The following FXR2 variants were observed in gnomAD, a reference collection of about 807,000 sequenced individuals.
FXR2 encodes the protein RNA-binding protein FXR2.
FXR2 carries 9 observed loss-of-function variants against 87.3 expected under a neutral mutation model. The observed-to-expected ratio is 0.10, with a 90% CI of 0.06 to 0.18. FXR2 has a LOEUF of 0.18. Among genes scored for constraint, FXR2 ranks in the 10% least tolerant of loss-of-function variants. FXR2 has a pLI of 1.00. For synonymous variants in FXR2, 331 were observed against 328.3 expected (o/e 1.01, Z -0.09); for missense variants, 661 against 893.6 (o/e 0.74, Z 3.32).
rs1567747624 is a variant in FXR2, at chr17:7,592,782, G to A, written c.1641C>T (p.Arg547=). 5.6e-6 allele frequency: 9 copies of A among 1,613,538 alleles called. No homozygotes were observed. Among genetic ancestry groups the A allele is most frequent in the Non-Finnish European group, 7.6e-6 (9 of 1,179,778 alleles). ...EPPPASARRR[R]SRRRRTDEDR... is the part of the protein sequence containing the mutation. Reference sequence around the variant, plus strand: ...CTTCATCAGTGCGGCGGCGGCGGGAGCGGCGGCGCCTGGCACTTGCTGGGG... The same window carrying A: ...CTTCATCAGTGCGGCGGCGGCGGGAACGGCGGCGCCTGGCACTTGCTGGGG... Residue 547 remains arginine (R), a synonymous_variant, in exon 14 of 17, where the codon CGC becomes CGT. Transcript: ENST00000250113. The surrounding 1 kb of genome is among the most constrained non-coding windows in gnomAD (Gnocchi z 4.8).
In FXR2 at chr17:7,606,604, G is replaced by A. The variant is rs1032663653; in HGVS notation, c.82-455C>T. Among the ~76,000 whole-genome samples, 37 of 152,210 alleles carry A rather than the reference G, an allele frequency of 2.4e-4. 2 individuals are homozygous for A. Among genetic ancestry groups the A allele is most frequent in the Non-Finnish European group, 1.5e-5 (1 of 68,038 alleles). ...CTCCGCAATACAGCAAGAGATCTGAGCAGACTCGCTGCCCTGATGCATGGG... is the reference window on the plus strand; with the variant it reads ...CTCCGCAATACAGCAAGAGATCTGAACAGACTCGCTGCCCTGATGCATGGG... On this transcript the variant is annotated intron_variant, in intron 1 of 16. Transcript: ENST00000250113.
intron 6 of FXR2, among the ~76,000 whole-genome samples, chr17:7,602,124 T>TA (rs1053955314): frequency 1.5e-4 from 23 of 149,124 alleles, no homozygotes; most frequent in East Asian, 4.1e-4. Flanking sequence ...TTATCAGGTT[T>TA]AAAAAAAAAG....
chr17:7,601,511 G>T lies in FXR2; in HGVS notation c.558C>A (p.Ala186=), dbSNP rs765633029. The stretch of plus-strand genomic sequence containing the variant: ...CCAGCAGAGATGCTCGCTTCACAGG[G>T]GCTTCTGTGGTTGACTGGGAGGAAA... ...SELFILSTTE[A]PVKRASLLGD... The change falls in exon 7 of 17, where the codon GCC becomes GCA. Residue 186 remains alanine, a synonymous_variant. Transcript: ENST00000250113. The T allele has an allele frequency of 1.9e-6, 3 of 1,608,188 alleles. No homozygotes were observed. In the Admixed American group the frequency reaches 5.0e-5, roughly 27 times the overall value.
At chr17:7,601,883 C>A (rs1041081213) in intron 6 of FXR2, among the ~76,000 whole-genome samples, 1 of 151,646 alleles carries the variant, frequency 6.6e-6, no homozygotes, top group Non-Finnish European at 1.5e-5. Flanking sequence ...GCCGAGACTG[C>A]GCCACTGCAC....
chr17:7,594,617 C>G lies in FXR2; in HGVS notation c.910+62G>C, dbSNP rs188720630. 27 of 1,079,740 alleles carry G rather than the reference C, an allele frequency of 2.5e-5. No individual in the cohort carries two copies. The East Asian group carries it at 5.9e-4, about 24-fold the overall frequency. The allele number at this position is 1,079,740 out of a possible 1,614,324, so 66.9% of individuals were successfully genotyped here. A position where few individuals can be genotyped will look rare whatever the true frequency, so the allele number is the denominator to read the frequency against. On this transcript the variant is annotated intron_variant, in intron 9 of 16. Transcript: ENST00000250113. The surrounding 1 kb of genome is among the most constrained non-coding windows in gnomAD (Gnocchi z 5.1). ...GAGGTGCCAATCCTGGATAAAAGCT[C>G]AGAATCACTGTAGAGAATCTTGATT...
Position 7,614,580 on chromosome 17 carries a change from T to C in FXR2, c.-48A>G. On this transcript the variant is annotated 5_prime_UTR_variant, in exon 1 of 17. Transcript: ENST00000250113. Reference sequence around the variant, plus strand: ...CCCCCGGCGGCGGCTGCAGCAGCAGTCTGAGTGCGGGCCGGGCCAGGCCCC... The same window carrying C: ...CCCCCGGCGGCGGCTGCAGCAGCAGCCTGAGTGCGGGCCGGGCCAGGCCCC... 7.9e-7 allele frequency: 1 copy of C among 1,267,588 alleles called. No individual in the cohort carries two copies. The highest frequency in any genetic ancestry group is 1.0e-6 in the Non-Finnish European group (1 of 964,104). 78.5% of individuals were successfully genotyped at this position (1,267,588 alleles called of 1,614,324 possible). A position where few individuals can be genotyped will look rare whatever the true frequency, so the allele number is the denominator to read the frequency against.
chr17:7,594,819 A>C lies in FXR2; in HGVS notation c.832-62T>G. 1.1e-4 allele frequency: 106 copies of C among 1,008,114 alleles called. No individual in the cohort carries two copies. The highest frequency in any genetic ancestry group is 1.6e-4 in the Non-Finnish European group (102 of 628,472). 62.4% of individuals were successfully genotyped at this position (1,008,114 alleles called of 1,614,324 possible). A position where few individuals can be genotyped will look rare whatever the true frequency, so the allele number is the denominator to read the frequency against. On this transcript the variant is annotated intron_variant, in intron 8 of 16. Transcript: ENST00000250113. The surrounding 1 kb of genome is among the most constrained non-coding windows in gnomAD (Gnocchi z 5.1). The stretch of plus-strand genomic sequence containing the variant: ...GAAGACCAGCTGGATGTGGTGGCTC[A>C]CGCCTGTAATCCCAGCACTTTGGGA...
Position 7,594,026 on chromosome 17 carries a change from C to T in FXR2, c.1021-22G>A, listed in dbSNP as rs1214552304. The T allele has an allele frequency of 8.9e-6, 13 of 1,464,730 alleles. No individual in the cohort carries two copies. The highest frequency in any genetic ancestry group is 4.5e-5 in the East Asian group (2 of 44,228). The allele number at this position is 1,464,730 out of a possible 1,614,324, so 90.7% of individuals were successfully genotyped here. ...TTCCCTAGAGAACAGAGAGCAGAAA[C>T]GATGGATCAGAAAGGAAAATGAAAT... On this transcript the variant is annotated intron_variant, in intron 10 of 16. Transcript: ENST00000250113. The surrounding 1 kb of genome is among the most constrained non-coding windows in gnomAD (Gnocchi z 5.1).
At chr17:7,613,702 GA>G (rs1262745351) in intron 1 of FXR2, among the ~76,000 whole-genome samples, 1 of 152,194 alleles carries the variant, frequency 6.6e-6, no homozygotes, top group Non-Finnish European at 1.5e-5. Context: ...TCAAGACGAA[GA>G]AACTATATGA....
At position 7,594,478 on chromosome 17, in the gene FXR2, T is replaced by C. The variant is rs1039819012; in HGVS notation, c.911-131A>G. The C allele has an allele frequency of 7.7e-5, 53 of 687,924 alleles. No individual in the cohort carries two copies. The highest frequency in any genetic ancestry group is 1.8e-5 in the Non-Finnish European group (7 of 395,820). The allele number at this position is 687,924 out of a possible 1,614,324, so 42.6% of individuals were successfully genotyped here. A position where few individuals can be genotyped will look rare whatever the true frequency, so the allele number is the denominator to read the frequency against. On this transcript the variant is annotated intron_variant, in intron 9 of 16. Transcript: ENST00000250113. This position sits in a 1 kb window ranked among gnomAD's most constrained non-coding sequence, Gnocchi z 5.1. ...TACTTCATTCTCCTGCTTCTAGGTT[T>C]CTGATGTGTTTTTACAGGACAAAAT...
At position 7,592,214 on chromosome 17, in the gene FXR2, A is replaced by G; in HGVS notation, c.1926+40T>C. On this transcript the variant is annotated intron_variant, in intron 16 of 16. Coordinates refer to ENST00000250113, the MANE Select transcript of FXR2 (RefSeq NM_004860.4). This position sits in a 1 kb window ranked among gnomAD's most constrained non-coding sequence, Gnocchi z 4.8. ...TTGTGCCCCCTGCCCCAGAGTAACA[A>G]CAAAAAAGGGATGGGGTAAAGCACA... 6.4e-7 allele frequency: 1 copy of G among 1,553,810 alleles called. No homozygotes were observed. The highest frequency in any genetic ancestry group is 8.8e-7 in the Non-Finnish European group (1 of 1,130,624).
rs1386136039 is a variant in FXR2, at chr17:7,595,455, G to GT, written c.831+368dup. ...ATGCATGCCACCACGCTCAGTTAAC[G>GT]TTTTTTGGTTTTTGGTTTTTTTGGG... On this transcript the variant is annotated intron_variant, in intron 8 of 16. Transcript: ENST00000250113. This position sits in a 1 kb window ranked among gnomAD's most constrained non-coding sequence, Gnocchi z 4.7. 6.6e-6 allele frequency among the ~76,000 whole-genome samples: 1 copy of GT among 151,396 alleles called. No individual in the cohort carries two copies. Among genetic ancestry groups the GT allele is most frequent in the African/African-American group, 2.4e-5 (1 of 41,180 alleles).
chr17:7,591,623 T>TG lies in FXR2; in HGVS notation c.*206dup, dbSNP rs922901515. The TG allele has an allele frequency of 2.4e-4, 138 of 580,714 alleles. 1 individual carries two copies. In the African/African-American group the frequency reaches 2.4e-3, roughly 10 times the overall value. The allele number at this position is 580,714 out of a possible 1,614,324, so 36.0% of individuals were successfully genotyped here. A position where few individuals can be genotyped will look rare whatever the true frequency, so the allele number is the denominator to read the frequency against. On this transcript the variant is annotated 3_prime_UTR_variant, in exon 17 of 17. Transcript: ENST00000250113. The surrounding 1 kb of genome is among the most constrained non-coding windows in gnomAD (Gnocchi z 4.0). ...GGAAGGAGAGAGGCTCCCCTTACCC[T>TG]GGGGGTAGGGTGGACAAGAGGGAGG...
intron 7 of FXR2, among the ~76,000 whole-genome samples, chr17:7,599,128 C>CT (rs199958518): frequency 0.019 from 2,593 of 135,600 alleles, 77 homozygotes; most frequent in African/African-American, 0.061. Context: ...CAGAGGGAAA[C>CT]TGTCTCCAAA....
chr17:7,605,687 T>G lies in FXR2; in HGVS notation c.186A>C (p.Pro62=). Reference sequence around the variant, plus strand: ...CTGTGATCTCCTTATTATAGTCAGCTGGAGGTGGTAGCCGGACATCCCCAA... The same window carrying G: ...CTGTGATCTCCTTATTATAGTCAGCGGGAGGTGGTAGCCGGACATCCCCAA... ...IPFGDVRLPP[P]ADYNKEITEG... Residue 62 remains proline (P), a synonymous_variant, in exon 3 of 17, where the codon CCA becomes CCC. Transcript: ENST00000250113. 1 of 1,597,888 alleles carries G rather than the reference T, an allele frequency of 6.3e-7. No homozygotes were observed. Among genetic ancestry groups the G allele is most frequent in the South Asian group, 1.1e-5 (1 of 90,192 alleles).
chr17:7,601,889 T>C (rs768044291), intron 6 of FXR2, among the ~76,000 whole-genome samples: 8 of 151,722 alleles, frequency 5.3e-5, no homozygotes, highest in Non-Finnish European at 8.8e-5. Flanking sequence ...ACTGCGCCAC[T>C]GCACTCTAGC....
Position 7,595,148 on chromosome 17 carries a change from A to T in FXR2, c.832-391T>A, listed in dbSNP as rs948739415. On this transcript the variant is annotated intron_variant, in intron 8 of 16. Coordinates refer to ENST00000250113, the MANE Select transcript of FXR2 (RefSeq NM_004860.4). This position sits in a 1 kb window ranked among gnomAD's most constrained non-coding sequence, Gnocchi z 4.7. ...AAAAAATTAAACAAATAAATAACTT[A>T]AAAAAAAAAACAGAGGACCTTGGCC... 5.1e-5 allele frequency among the ~76,000 whole-genome samples: 7 copies of T among 137,922 alleles called. No homozygotes were observed. The highest frequency in any genetic ancestry group is 1.9e-4 in the African/African-American group (7 of 36,380). The allele number at this position is 137,922 out of a possible 152,430, so 90.5% of individuals were successfully genotyped here. A position where few individuals can be genotyped will look rare whatever the true frequency, so the allele number is the denominator to read the frequency against.
intron 7 of FXR2, among the ~76,000 whole-genome samples, chr17:7,599,431 G>A (rs937146684): frequency 6.6e-6 from 1 of 152,118 alleles, no homozygotes; most frequent in Non-Finnish European, 1.5e-5. Context: ...AATTGCACAG[G>A]CACAGAAAAA....
Position 7,609,955 on chromosome 17 carries a change from CAT to C in FXR2, c.82-3808_82-3807del, listed in dbSNP as rs57676268. Among the ~76,000 whole-genome samples, 377 of 86,270 alleles carry C rather than the reference CAT, an allele frequency of 4.4e-3. 4 individuals carry two copies. Among genetic ancestry groups the C allele is most frequent in the South Asian group, 0.011 (21 of 1,990 alleles). 56.6% of individuals were successfully genotyped at this position (86,270 alleles called of 152,430 possible). ...GTATATATATACATGTATATGTATA[CAT>C]ATATATACATGTATATGTATACATA... On this transcript the variant is annotated intron_variant, in intron 1 of 16. Coordinates refer to ENST00000250113, the MANE Select transcript of FXR2 (RefSeq NM_004860.4).
Sources: gnomAD v4.1 joint callset for allele counts (sites outside exome capture counted in the v4.1 genomes callset) on GRCh38, gnomAD v4.1.1 for gene constraint, Gnocchi (gnomAD v3.1) non-coding constraint, MANE v1.5 for transcripts, NCBI Gene and HGNC (gene_info 2026-07-23, HGNC 2026-07-21) for gene names.